The following SOX5 variants were observed in gnomAD, a reference collection of about 807,000 sequenced individuals.
SOX5 encodes SRY-box transcription factor 5, also known as transcription factor SOX-5.
A neutral mutation model predicts 92.0 loss-of-function variants in SOX5; 9 were observed. The observed-to-expected ratio is 0.10, with a 90% CI of 0.06 to 0.17. The LOEUF is 0.17. SOX5 is among the 10% of genes least tolerant of loss of function. The pLI is 1.00. For missense variants in SOX5, 642 were observed against 944.5 expected (o/e 0.68, Z 4.20); for synonymous variants, 344 against 336.3 (o/e 1.02, Z -0.25).
chr12:23,579,074 G>A (rs1949680811), intron 9 of SOX5, among the ~76,000 whole-genome samples: 2 of 152,144 alleles, frequency 1.3e-5, no homozygotes, highest in Non-Finnish European at 2.9e-5. Flanking sequence ...GGGAATGGCG[G>A]TATTGATGAA....
intron 1 of SOX5, among the ~76,000 whole-genome samples, chr12:24,535,114 C>T (rs1373765837): frequency 6.6e-6 from 1 of 152,164 alleles, no homozygotes; most frequent in Non-Finnish European, 1.5e-5. Flanking sequence ...CCACCTCCAT[C>T]ACTGAATTCT....
At chr12:23,746,571 C>T (rs967554743) in intron 4 of SOX5, among the ~76,000 whole-genome samples, 11 of 152,160 alleles carry the variant, frequency 7.2e-5, no homozygotes, top group African/African-American at 2.7e-4. Context: ...TGAAAGATAA[C>T]TGAAGTAAGA....
intron 2 of SOX5, among the ~76,000 whole-genome samples, chr12:24,288,939 G>T (rs61662202): frequency 0.042 from 6,330 of 152,152 alleles, 466 homozygotes; most frequent in African/African-American, 0.15. Context: ...TCTCATGATG[G>T]GAGGTATCTT....
chr12:24,472,431 C>A (rs1944915072), intron 1 of SOX5, among the ~76,000 whole-genome samples: 1 of 152,182 alleles, frequency 6.6e-6, no homozygotes, highest in Non-Finnish European at 1.5e-5. Context: ...ACAGACAAAT[C>A]ATTCCTTCCA....
At chr12:24,190,748 G>T (rs996430407) in intron 4 of SOX5, among the ~76,000 whole-genome samples, 3 of 152,116 alleles carry the variant, frequency 2.0e-5, no homozygotes, top group African/African-American at 7.2e-5. Context: ...AAATACTATG[G>T]CAATTAAAAT....
At chr12:24,346,410 G>A (rs758547273) in intron 2 of SOX5, among the ~76,000 whole-genome samples, 39 of 151,690 alleles carry the variant, frequency 2.6e-4, no homozygotes, top group Admixed American at 5.2e-4. Context: ...TATTCAAATG[G>A]ATAGGTCTTC....
chr12:24,465,380 GAAGT>G (rs1944112629), intron 1 of SOX5, among the ~76,000 whole-genome samples: 1 of 152,178 alleles, frequency 6.6e-6, no homozygotes. Context: ...CTACAACTAT[GAAGT>G]AAGTTGTATT....
intron 7 of SOX5, among the ~76,000 whole-genome samples, chr12:23,657,914 A>G (rs932607044): frequency 6.6e-6 from 1 of 152,204 alleles, no homozygotes; most frequent in African/African-American, 2.4e-5. Flanking sequence ...AAATGTTAAA[A>G]AGTAAATGAC....
At chr12:24,034,047 C>T (rs1036252931) in intron 4 of SOX5, among the ~76,000 whole-genome samples, 3 of 151,992 alleles carry the variant, frequency 2.0e-5, no homozygotes, top group East Asian at 1.9e-4. Flanking sequence ...AAATTTAGGA[C>T]TATCAGTCTC....
intron 4 of SOX5, among the ~76,000 whole-genome samples, chr12:24,188,388 T>C (rs1407448161): frequency 6.6e-6 from 1 of 152,158 alleles, no homozygotes; most frequent in Non-Finnish European, 1.5e-5. Flanking sequence ...ATATCTATTA[T>C]GTATAGACTG....
intron 4 of SOX5, among the ~76,000 whole-genome samples, chr12:24,006,528 TG>T (rs1380353289): frequency 6.6e-6 from 1 of 152,050 alleles, no homozygotes; most frequent in Non-Finnish European, 1.5e-5. Flanking sequence ...TCTCGGGAGC[TG>T]GATGTTTACA....
chr12:24,034,895 C>T (rs1280732124), intron 4 of SOX5, among the ~76,000 whole-genome samples: 2 of 152,016 alleles, frequency 1.3e-5, no homozygotes, highest in Non-Finnish European at 2.9e-5. Flanking sequence ...TAGGCCTCTT[C>T]CCCCTTCTCA....
chr12:23,543,414 G>A (rs1304322002), intron 12 of SOX5, 30 bp from the exon 13 acceptor site: 9 of 1,583,844 alleles, frequency 5.7e-6, no homozygotes, highest in Non-Finnish European at 7.8e-6. Context: ...CTTCGTGTTA[G>A]CGTTAAAACT....
intron 1 of SOX5, among the ~76,000 whole-genome samples, chr12:23,934,455 G>A (rs1942109777): frequency 6.7e-6 from 1 of 148,338 alleles, no homozygotes; most frequent in Non-Finnish European, 1.5e-5. Context: ...CATACATGAT[G>A]TATATGTATT....
intron 4 of SOX5, among the ~76,000 whole-genome samples, chr12:23,983,191 T>C (rs1949755359): frequency 6.7e-6 from 1 of 150,316 alleles, no homozygotes; most frequent in Admixed American, 6.6e-5. Flanking sequence ...GCAGATGCCA[T>C]CCTACCCACT....
At chr12:24,089,660 C>G (rs1290478566) in intron 4 of SOX5, among the ~76,000 whole-genome samples, 1 of 152,128 alleles carries the variant, frequency 6.6e-6, no homozygotes, top group East Asian at 1.9e-4. Flanking sequence ...CAGCATATGA[C>G]AAAGAGCAGA....
chr12:24,018,252 T>A (rs1456254189), intron 4 of SOX5, among the ~76,000 whole-genome samples: 2 of 152,162 alleles, frequency 1.3e-5, no homozygotes, highest in African/African-American at 4.8e-5. Flanking sequence ...TAAAATATCT[T>A]CTCCCTTGCA....
intron 1 of SOX5, among the ~76,000 whole-genome samples, chr12:24,474,315 T>C (rs1219904194): frequency 6.6e-6 from 1 of 152,128 alleles, no homozygotes; most frequent in African/African-American, 2.4e-5. Context: ...ATAAAACTAG[T>C]TCCCTAACAA....
At chr12:24,050,950 A>C (rs751666895) in intron 4 of SOX5, among the ~76,000 whole-genome samples, 7 of 152,116 alleles carry the variant, frequency 4.6e-5, no homozygotes, top group Non-Finnish European at 7.4e-5. Flanking sequence ...CTACCAGAAT[A>C]ATTTTTCTCC....
Sources: allele counts gnomAD v4.1 joint callset (sites outside exome capture counted in the v4.1 genomes callset), GRCh38; gene constraint gnomAD v4.1.1; transcripts MANE v1.5; gene names NCBI Gene and HGNC (gene_info 2026-07-23, HGNC 2026-07-21).